GNB5: variants seen among roughly 807,000 people sequenced by gnomAD.
The protein encoded by GNB5 is G protein subunit beta 5, also known as guanine nucleotide-binding protein subunit beta-5.
A neutral mutation model predicts 55.3 loss-of-function variants in GNB5; 37 were observed. The observed-to-expected ratio is 0.67, with a 90% CI of 0.51 to 0.88. GNB5 has a LOEUF of 0.88. Ranked by LOEUF, GNB5 falls within the 40% of genes least tolerant of loss-of-function variation. The probability of loss-of-function intolerance (pLI) is 0.00; values close to 1 mark genes in which losing one functional copy is unlikely to be tolerated. For missense variants in GNB5, 476 were observed against 515.3 expected, an observed-to-expected ratio of 0.92 and a Z score of 0.74; for synonymous variants, 219 against 198.5, an observed-to-expected ratio of 1.10 and a Z score of -0.87.
intron 6 of GNB5, among the ~76,000 whole-genome samples, chr15:52,142,707 T>C (rs1477851506): frequency 6.6e-6 from 1 of 152,200 alleles, no homozygotes; most frequent in African/African-American, 2.4e-5. Flanking sequence ...TGCTTTCTTT[T>C]TGTAGGGAAC....
At chr15:52,186,643 C>G (rs1332568410) in intron 1 of GNB5, among the ~76,000 whole-genome samples, 1 of 152,054 alleles carries the variant, frequency 6.6e-6, no homozygotes, top group Admixed American at 6.6e-5. Flanking sequence ...TAGAGTGAGC[C>G]CCGTCAAGAT....
intron 6 of GNB5, among the ~76,000 whole-genome samples, chr15:52,146,504 G>A (rs888717696): frequency 4.6e-5 from 7 of 152,160 alleles, no homozygotes; most frequent in Admixed American, 2.6e-4. Flanking sequence ...CATTCAATTC[G>A]TGTACCACAA....
In GNB5 at chr15:52,179,878, A is replaced by G; in HGVS notation, c.128T>C (p.Met43Thr). 6.5e-7 allele frequency: 1 copy of G among 1,536,122 alleles called. No individual in the cohort carries two copies. Residue 43 changes from methionine to threonine, a missense_variant and splice_region_variant, in exon 3 of 13, where the codon ATG becomes ACG. Coordinates refer to ENST00000261837, the MANE Select transcript of GNB5 (RefSeq NM_016194.4). ...GTTCTCGTGCAGCCCCTCGGTTGCC[A>G]TCTTCGCGCGGGGACGCAGCGGAGA... ...LSYCSTCAEI[M>T]ATEGLHENET... is the part of the protein sequence containing the mutation.
Position 52,167,901 on chromosome 15 carries a change from C to A in GNB5, c.238+11867G>T, listed in dbSNP as rs559033735. Among the ~76,000 whole-genome samples, 5 of 152,058 alleles carry A rather than the reference C, an allele frequency of 3.3e-5. No individual in the cohort carries two copies. In the East Asian group the frequency reaches 7.7e-4, roughly 24 times the overall value. ...ATATAAAAAAAACTAAAGAAAAAAA[C>A]CACATGATTACCTCGATAAGACAGA... is the stretch of plus-strand genomic sequence containing the variant. On this transcript the variant is annotated intron_variant, in intron 3 of 12. Transcript: ENST00000261837.
intron 1 of GNB5, among the ~76,000 whole-genome samples, chr15:52,186,971 G>A (rs1229372636): frequency 2.0e-5 from 3 of 152,148 alleles, no homozygotes; most frequent in African/African-American, 7.2e-5. Context: ...CCCAGCCCTC[G>A]CCTCTCCCTG....
At chr15:52,156,367 T>C (rs919366502) in intron 3 of GNB5, among the ~76,000 whole-genome samples, 4 of 152,230 alleles carry the variant, frequency 2.6e-5, no homozygotes, top group Non-Finnish European at 5.9e-5. Flanking sequence ...AGTTGCCTCA[T>C]TTCCTTGTGA....
chr15:52,162,571 A>T (rs1480100006), intron 3 of GNB5, among the ~76,000 whole-genome samples: 3 of 152,258 alleles, frequency 2.0e-5, no homozygotes, highest in East Asian at 3.8e-4. Flanking sequence ...AAAACTATTT[A>T]AAAAATGATC....
intron 4 of GNB5, among the ~76,000 whole-genome samples, chr15:52,151,800 A>T (rs1456006662): frequency 6.6e-6 from 1 of 152,110 alleles, no homozygotes; most frequent in East Asian, 1.9e-4. Context: ...GACTAGAAAG[A>T]AGTGCTCTAA....
chr15:52,169,666 G>T (rs1207133950), intron 3 of GNB5, among the ~76,000 whole-genome samples: 2 of 151,250 alleles, frequency 1.3e-5, no homozygotes, highest in Non-Finnish European at 2.9e-5. Context: ...ATGGGCCAAA[G>T]ATTTCATGAC....
intron 3 of GNB5, among the ~76,000 whole-genome samples, chr15:52,172,682 G>C (rs1027109714): frequency 5.3e-5 from 8 of 152,110 alleles, no homozygotes; most frequent in African/African-American, 1.9e-4. Context: ...TTGAGAGGCT[G>C]AGGTAGCCAG....
intron 1 of GNB5, among the ~76,000 whole-genome samples, chr15:52,184,981 A>G (rs1275137015): frequency 1.3e-5 from 2 of 152,244 alleles, no homozygotes; most frequent in Admixed American, 6.5e-5. Context: ...TTGCAGCACA[A>G]TATCAATTCT....
chr15:52,188,407 G>A (rs1164862411), intron 1 of GNB5, among the ~76,000 whole-genome samples: 7 of 152,286 alleles, frequency 4.6e-5, no homozygotes, highest in South Asian at 2.1e-4. Flanking sequence ...ACCACTCAGA[G>A]AAACTTCTTT....
At position 52,141,276 on chromosome 15, in the gene GNB5, G is replaced by C. The variant is rs746531232; in HGVS notation, c.495-4C>G. ...AGAACACTTATTATCCAAACCACTA[G>C]GATGGAAAGAAAGAAGTACCAAAGA... On this transcript the variant is annotated splice_polypyrimidine_tract_variant and splice_region_variant and intron_variant, in intron 6 of 12. Transcript: ENST00000261837. 1 of 1,613,058 alleles carries C rather than the reference G, an allele frequency of 6.2e-7. No homozygotes were observed. The highest frequency in any genetic ancestry group is 8.5e-7 in the Non-Finnish European group (1 of 1,179,104).
rs528511079 is a variant in GNB5, at chr15:52,156,695, G to GAGATTGC, written c.239-2626_239-2620dup. Among the ~76,000 whole-genome samples the GAGATTGC allele has an allele frequency of 6.2e-4, 95 of 152,282 alleles. 2 individuals carry two copies. Among genetic ancestry groups the GAGATTGC allele is most frequent in the African/African-American group, 2.2e-3 (93 of 41,570 alleles). ...CAGTGGGCAGAGGTCGCAGTGAGCT[G>GAGATTGC]AGATTGCGCCACTGCACTCCAGCCT... On this transcript the variant is annotated intron_variant, in intron 3 of 12. Coordinates refer to ENST00000261837, the MANE Select transcript of GNB5 (RefSeq NM_016194.4).
rs773902879 is a variant in GNB5 at position 52,124,529 on chromosome 15, G to A, written c.1120C>T (p.Arg374Ter). The A allele has an allele frequency of 1.2e-5, 20 of 1,613,748 alleles. No individual in the cohort carries two copies. Among genetic ancestry groups the A allele is most frequent in the Non-Finnish European group, 1.6e-5 (19 of 1,179,698 alleles). The change falls in exon 12 of 13, where the codon CGA (arginine) becomes TGA (stop). Residue 374 changes from arginine (R) to a stop codon, truncating the protein, a stop_gained. Coordinates refer to ENST00000261837, the MANE Select transcript of GNB5 (RefSeq NM_016194.4). LOFTEE classifies it high-confidence loss of function. ...FGHENRVSTLRVSPDGTAFCS... is the reference protein window; with the variant it reads ...FGHENRVSTL Reference sequence around the variant, plus strand: ...AAAGCAGTCCCATCGGGGGAAACTCGTAGAGTGCTAACGCGGTTTTCATGT... The same window carrying A: ...AAAGCAGTCCCATCGGGGGAAACTCATAGAGTGCTAACGCGGTTTTCATGT...
chr15:52,137,871 A>G (rs1044402720), intron 7 of GNB5: 3 of 1,286,960 alleles, frequency 2.3e-6, no homozygotes, highest in Admixed American at 2.3e-5. Context: ...GGGTGAGGTG[A>G]TAAGACCGTG....
chr15:52,171,746 G>C (rs1460190687), intron 3 of GNB5, among the ~76,000 whole-genome samples: 1 of 152,198 alleles, frequency 6.6e-6, no homozygotes, highest in Non-Finnish European at 1.5e-5. Flanking sequence ...GGTTTTCCTA[G>C]ATTTTTCCCT....
chr15:52,135,555 C>T, intron 8 of GNB5, 58 bp downstream of exon 8: 2 of 1,460,690 alleles, frequency 1.4e-6, no homozygotes, highest in South Asian at 1.2e-5. Flanking sequence ...CAAGAACTGC[C>T]ACCATAAGCC....
chr15:52,172,424 C>T (rs570937172), intron 3 of GNB5, among the ~76,000 whole-genome samples: 23 of 152,096 alleles, frequency 1.5e-4, no homozygotes, highest in Admixed American at 1.2e-3. Flanking sequence ...CCACCATGCC[C>T]GGCCTCCTTT....
Sources: gnomAD v4.1 joint callset for allele counts (sites outside exome capture counted in the v4.1 genomes callset) on GRCh38, gnomAD v4.1.1 for gene constraint, MANE v1.5 for transcripts, NCBI Gene and HGNC (gene_info 2026-07-23, HGNC 2026-07-21) for gene names.